LRP1B: variants seen among roughly 807,000 people sequenced by gnomAD.
LRP1B encodes LDL receptor related protein 1B.
Under a neutral mutation model 556.6 loss-of-function variants are expected in LRP1B, and 217 were observed. The observed-to-expected ratio is 0.39, with a 90% CI of 0.35 to 0.44. LRP1B has a LOEUF of 0.44. Ranked by LOEUF, LRP1B falls within the 20% of genes least tolerant of loss-of-function variation. LRP1B has a pLI of 1.00. For synonymous variants in LRP1B, 2,047 were observed against 1,865.8 expected (o/e 1.10, Z -2.50); for missense variants, 5,053 against 5,620.8 (o/e 0.90, Z 3.23).
chr2:141,550,582 A>T (rs1685715398), intron 2 of LRP1B, among the ~76,000 whole-genome samples: 1 of 152,102 alleles, frequency 6.6e-6, no homozygotes, highest in South Asian at 2.1e-4. Flanking sequence ...AAAGGCTTCA[A>T]ATTACCCTTC....
intron 1 of LRP1B, among the ~76,000 whole-genome samples, chr2:141,952,799 A>T (rs1701143173): frequency 6.6e-6 from 1 of 152,256 alleles, no homozygotes; most frequent in Admixed American, 6.5e-5. Context: ...TTGGGTCAGT[A>T]TCTGGCTTAC....
chr2:141,400,341 A>C (rs1690403542), intron 3 of LRP1B, among the ~76,000 whole-genome samples: 1 of 152,192 alleles, frequency 6.6e-6, no homozygotes, highest in Admixed American at 6.5e-5. Flanking sequence ...CACAAATTAA[A>C]TAACAAGAAA....
At chr2:140,270,999 G>C (rs920224268) in intron 85 of LRP1B, among the ~76,000 whole-genome samples, 2 of 151,872 alleles carry the variant, frequency 1.3e-5, no homozygotes, top group African/African-American at 4.8e-5. Context: ...AATGAGACAG[G>C]CTTTCTTGAA....
intron 6 of LRP1B, among the ~76,000 whole-genome samples, chr2:141,206,816 C>T (rs1682305189): frequency 6.6e-6 from 1 of 152,178 alleles, no homozygotes; most frequent in Admixed American, 6.5e-5. Flanking sequence ...TATCTTCCTG[C>T]TAATTTTAAC....
chr2:140,627,966 C>T (rs905388289), intron 41 of LRP1B, among the ~76,000 whole-genome samples: 1 of 152,172 alleles, frequency 6.6e-6, no homozygotes, highest in African/African-American at 2.4e-5. Context: ...CAATTTTGTG[C>T]CTCTCAGTAA....
intron 3 of LRP1B, among the ~76,000 whole-genome samples, chr2:141,341,888 T>C (rs1462927150): frequency 6.6e-6 from 1 of 152,074 alleles, no homozygotes; most frequent in Non-Finnish European, 1.5e-5. Flanking sequence ...TGGAGGGGTG[T>C]TTATGATAGC....
rs186646718 is a variant in LRP1B, at chr2:141,161,035, A to G, written c.1013+27386T>C. Among the ~76,000 whole-genome samples, 69 of 152,248 alleles carry G rather than the reference A, an allele frequency of 4.5e-4. 1 individual carries two copies. In the East Asian group the frequency reaches 0.013, roughly 29 times the overall value. Reference sequence around the variant, plus strand: ...ATGAGTGGTACAAGAGGAACTTTCTATTAATTTTGCAACTTTTGAGAAATC... The same window carrying G: ...ATGAGTGGTACAAGAGGAACTTTCTGTTAATTTTGCAACTTTTGAGAAATC... On this transcript the variant is annotated intron_variant, in intron 7 of 90. Transcript: ENST00000389484.
chr2:140,924,666 A>G (rs1187311484), intron 20 of LRP1B, among the ~76,000 whole-genome samples: 1 of 152,144 alleles, frequency 6.6e-6, no homozygotes, highest in African/African-American at 2.4e-5. Flanking sequence ...CACATGCAAT[A>G]ATAAAGCATT....
chr2:140,323,615 A>T (rs1056434790), intron 81 of LRP1B, among the ~76,000 whole-genome samples: 3 of 151,972 alleles, frequency 2.0e-5, no homozygotes, highest in Non-Finnish European at 4.4e-5. Context: ...ATAATAAAAT[A>T]AAAGAATTTT....
At chr2:142,051,124 A>G (rs1704439339) in intron 1 of LRP1B, among the ~76,000 whole-genome samples, 1 of 152,104 alleles carries the variant, frequency 6.6e-6, no homozygotes, top group Admixed American at 6.6e-5. Context: ...GAGTATGGCC[A>G]GTAAAGTAGA....
intron 7 of LRP1B, among the ~76,000 whole-genome samples, chr2:141,083,177 A>T (rs552724943): frequency 6.6e-6 from 1 of 152,336 alleles, no homozygotes; most frequent in South Asian, 2.1e-4. Flanking sequence ...TGAATCTTTC[A>T]TCTATTTAAA....
intron 3 of LRP1B, among the ~76,000 whole-genome samples, chr2:141,362,245 T>G (rs1688851325): frequency 6.6e-6 from 1 of 152,234 alleles, no homozygotes; most frequent in Admixed American, 6.5e-5. Context: ...AAACTTGTTT[T>G]GGTCCTATTA....
rs149740376 is a variant in LRP1B at position 140,274,585 on chromosome 2, G to C, written c.12981C>G (p.His4327Gln). ...GDRCQYYVCH[H>Q]YCVNSESCTI... is the part of the protein sequence containing the mutation. ...TACATGATTCAGAATTCACACAATA[G>C]TGGTGGCACACGTCTAGGAAAAAAA... Residue 4327 changes from histidine (H) to glutamine (Q), a missense_variant, in exon 85 of 91, where the codon CAC becomes CAG. Transcript: ENST00000389484. 3.7e-6 allele frequency: 6 copies of C among 1,610,624 alleles called. No homozygotes were observed. Among genetic ancestry groups the C allele is most frequent in the Admixed American group, 1.7e-5 (1 of 59,454 alleles).
intron 13 of LRP1B, among the ~76,000 whole-genome samples, chr2:141,013,984 T>G (rs990826167): frequency 1.3e-5 from 2 of 152,078 alleles, no homozygotes; most frequent in Non-Finnish European, 2.9e-5. Context: ...TATTAAACCA[T>G]CTATTTTATC....
chr2:142,058,277 A>G (rs1039832209), intron 1 of LRP1B, among the ~76,000 whole-genome samples: 1 of 152,102 alleles, frequency 6.6e-6, no homozygotes, highest in East Asian at 1.9e-4. Flanking sequence ...TTAAAGTGGT[A>G]TATACCATGA....
chr2:140,908,217 A>T, intron 21 of LRP1B, 140 bp from the exon 22 acceptor site: 1 of 650,762 alleles, frequency 1.5e-6, no homozygotes, highest in Non-Finnish European at 2.7e-6. Context: ...TTATTATTTG[A>T]CAGTTTATTT....
chr2:140,927,852 A>C (rs1441306339), intron 20 of LRP1B, among the ~76,000 whole-genome samples: 1 of 151,416 alleles, frequency 6.6e-6, no homozygotes, highest in Non-Finnish European at 1.5e-5. Flanking sequence ...GACTACAGGC[A>C]CCCGCCATCA....
intron 66 of LRP1B, among the ~76,000 whole-genome samples, chr2:140,387,711 G>C (rs891885326): frequency 2.6e-5 from 4 of 151,396 alleles, no homozygotes; most frequent in African/African-American, 9.7e-5. Context: ...TTTAACTTTA[G>C]GTTTAAAATT....
intron 1 of LRP1B, among the ~76,000 whole-genome samples, chr2:141,974,812 T>C (rs1463833980): frequency 7.9e-5 from 12 of 152,080 alleles, no homozygotes; most frequent in Admixed American, 7.9e-4. Flanking sequence ...TATTAAGCCC[T>C]GGCTATTAAT....
Sources: gnomAD v4.1 joint callset for allele counts (sites outside exome capture counted in the v4.1 genomes callset) on GRCh38, gnomAD v4.1.1 for gene constraint, MANE v1.5 for transcripts, NCBI Gene and HGNC (gene_info 2026-07-23, HGNC 2026-07-21) for gene names.